ARHGEF19: variants seen among roughly 807,000 people sequenced by gnomAD.
ARHGEF19 encodes Rho guanine nucleotide exchange factor 19.
Under a neutral mutation model 87.6 loss-of-function variants are expected in ARHGEF19, and 92 were observed. The observed-to-expected ratio is 1.05, with a 90% confidence interval of 0.89 to 1.25. ARHGEF19 has a LOEUF of 1.25. Ranked by LOEUF, ARHGEF19 falls within the 50% of genes most tolerant of loss-of-function variation. The pLI is 0.00. For synonymous variants in ARHGEF19, 438 were observed against 446.2 expected, an observed-to-expected ratio of 0.98 and a Z score of 0.23; for missense variants, 1,054 against 1,051.8, an observed-to-expected ratio of 1.00 and a Z score of -0.03.
In ARHGEF19 at chr1:16,197,894, G is replaced by A. The variant is rs987098664; in HGVS notation, c.*693C>T. 9.2e-5 allele frequency: 14 copies of A among 152,352 alleles called. No homozygotes were observed. Among genetic ancestry groups the A allele is most frequent in the African/African-American group, 3.1e-4 (13 of 41,564 alleles). The allele number at this position is 152,352 out of a possible 1,614,324, so 9.4% of individuals were successfully genotyped here. On this transcript the variant is annotated 3_prime_UTR_variant, in exon 16 of 16. Coordinates refer to ENST00000270747, the MANE Select transcript of ARHGEF19 (RefSeq NM_153213.5). ...ATCTCTTTAATGTTTAAGCCTATTT[G>A]TATCTGATATTTTGTTACTTGCAGC...
rs992380170 is a variant in ARHGEF19, at chr1:16,197,855, A to T, written c.*732T>A. The T allele has an allele frequency of 2.0e-5, 3 of 152,280 alleles. No individual in the cohort carries two copies. The highest frequency in any genetic ancestry group is 7.2e-5 in the African/African-American group (3 of 41,466). 9.4% of individuals were successfully genotyped at this position (152,280 alleles called of 1,614,324 possible). A position where few individuals can be genotyped will look rare whatever the true frequency, so the allele number is the denominator to read the frequency against. ...GTTATAGAAGCCACAGGAAACAAAT[A>T]AAGAACTAATCAAATCTCTTTAATG... is the stretch of plus-strand genomic sequence containing the variant. On this transcript the variant is annotated 3_prime_UTR_variant, in exon 16 of 16. Coordinates refer to ENST00000270747, the MANE Select transcript of ARHGEF19 (RefSeq NM_153213.5).
In ARHGEF19 at chr1:16,198,516, G is replaced by A; in HGVS notation, c.*71C>T. The A allele has an allele frequency of 6.8e-7, 1 of 1,463,448 alleles. No individual in the cohort carries two copies. The highest frequency in any genetic ancestry group is 9.1e-7 in the Non-Finnish European group (1 of 1,099,368). 90.7% of individuals were successfully genotyped at this position (1,463,448 alleles called of 1,614,324 possible). On this transcript the variant is annotated 3_prime_UTR_variant, in exon 16 of 16. Coordinates refer to ENST00000270747, the MANE Select transcript of ARHGEF19 (RefSeq NM_153213.5). The surrounding 1 kb of genome is among the most constrained non-coding windows in gnomAD (Gnocchi z 4.1). ...CAGCAGGAGCAGCTTGGGGAATGGA[G>A]ACACTGCAGGCCCCTCCAGGACCAT...
chr1:16,208,426 A>G (rs221060), intron 2 of ARHGEF19, among the ~76,000 whole-genome samples: 37,153 of 152,196 alleles, frequency 0.24, 4,950 homozygotes, highest in South Asian at 0.4. Context: ...GCTGCAGTAG[A>G]CAGAGGGATC....
chr1:16,207,060 C>T lies in ARHGEF19; in HGVS notation c.1025G>A (p.Arg342Gln), dbSNP rs977532804. 6.6e-7 allele frequency: 1 copy of T among 1,507,746 alleles called. No individual in the cohort carries two copies. Among genetic ancestry groups the T allele is most frequent in the Non-Finnish European group, 8.8e-7 (1 of 1,130,920 alleles). 93.4% of individuals were successfully genotyped at this position (1,507,746 alleles called of 1,614,324 possible). Reference protein sequence around the residue: ...RANLSPSSSFRAQRSARGSTF... With the variant: ...RANLSPSSSFQAQRSARGSTF... ...GGAGCCTCGCGCCGAGCGCTGCGCCCGGAAGGAGCTGCTGGGGGAGAGGTT... is the reference window on the plus strand; with the variant it reads ...GGAGCCTCGCGCCGAGCGCTGCGCCTGGAAGGAGCTGCTGGGGGAGAGGTT... Residue 342 changes from arginine to glutamine, a missense_variant, in exon 6 of 16, where the codon CGG (arginine) becomes CAG (glutamine). By Grantham distance (43) the Arg-to-Gln change is conservative. Coordinates refer to ENST00000270747, the MANE Select transcript of ARHGEF19 (RefSeq NM_153213.5). The surrounding 1 kb of genome is among the most constrained non-coding windows in gnomAD (Gnocchi z 4.0).
chr1:16,207,062 G>C lies in ARHGEF19; in HGVS notation c.1023C>G (p.Phe341Leu). 6.6e-7 allele frequency: 1 copy of C among 1,508,042 alleles called. No individual in the cohort carries two copies. Among genetic ancestry groups the C allele is most frequent in the Non-Finnish European group, 8.8e-7 (1 of 1,131,016 alleles). 93.4% of individuals were successfully genotyped at this position (1,508,042 alleles called of 1,614,324 possible). ...PRANLSPSSS[F>L]RAQRSARGST... is the part of the protein sequence containing the mutation. ...AGCCTCGCGCCGAGCGCTGCGCCCG[G>C]AAGGAGCTGCTGGGGGAGAGGTTGG... Residue 341 changes from phenylalanine to leucine, a missense_variant, in exon 6 of 16, where the codon TTC becomes TTG. Phe to Leu is a conservative substitution (Grantham distance 22). Transcript: ENST00000270747. The surrounding 1 kb of genome is among the most constrained non-coding windows in gnomAD (Gnocchi z 4.0).
chr1:16,199,481 A>C (rs1335193070), intron 14 of ARHGEF19, among the ~76,000 whole-genome samples: 2 of 152,048 alleles, frequency 1.3e-5, no homozygotes, highest in Non-Finnish European at 2.9e-5. Flanking sequence ...TGCAGGATTA[A>C]TCCAGTCCCT....
chr1:16,201,348 A>G (rs1339030688), intron 14 of ARHGEF19, among the ~76,000 whole-genome samples: 1 of 152,150 alleles, frequency 6.6e-6, no homozygotes, highest in African/African-American at 2.4e-5. Flanking sequence ...ATTCCAGCTG[A>G]GCAGATGCCT....
rs2081164489 is a variant in ARHGEF19 at position 16,208,224 on chromosome 1, C to T, written c.414G>A (p.Trp138Ter). ...ASHGSEKKSA[W>*]RKMRVYQREE... ...CACGCTGGTACACCCGCATCTTGCG[C>T]CCTAGGGTTGGGGGCAAGGAGTGAG... The change falls in exon 3 of 16, where the codon TGG (tryptophan) becomes TGA (stop). Residue 138 changes from tryptophan to a stop codon, truncating the protein, a stop_gained and splice_region_variant. Transcript: ENST00000270747. LOFTEE classifies it high-confidence loss of function. 4.3e-6 allele frequency: 7 copies of T among 1,611,434 alleles called. No individual in the cohort carries two copies. Among genetic ancestry groups the T allele is most frequent in the South Asian group, 1.1e-5 (1 of 91,038 alleles).
chr1:16,207,883 G>GCCC lies in ARHGEF19; in HGVS notation c.694+58_694+60dup. 2.1e-5 allele frequency: 31 copies of GCCC among 1,476,428 alleles called. No homozygotes were observed. The highest frequency in any genetic ancestry group is 2.5e-5 in the Non-Finnish European group (27 of 1,069,258). The allele number at this position is 1,476,428 out of a possible 1,614,324, so 91.5% of individuals were successfully genotyped here. A position where few individuals can be genotyped will look rare whatever the true frequency, so the allele number is the denominator to read the frequency against. Reference sequence around the variant, plus strand: ...CTCAGGCGGCCGGTGAGTGGGCATCGCCCACCCCCACCCCCACCCGGCATC... The same window carrying GCCC: ...CTCAGGCGGCCGGTGAGTGGGCATCGCCCCCCACCCCCACCCCCACCCGGCATC... On this transcript the variant is annotated intron_variant, in intron 3 of 15. Transcript: ENST00000270747. This position sits in a 1 kb window ranked among gnomAD's most constrained non-coding sequence, Gnocchi z 4.0.
rs1186970101 is a variant in ARHGEF19 at position 16,198,227 on chromosome 1, C to T, written c.*360G>A. The T allele has an allele frequency of 1.1e-5, 2 of 181,686 alleles. No individual in the cohort carries two copies. The highest frequency in any genetic ancestry group is 6.1e-5 in the Admixed American group (1 of 16,430). 11.3% of individuals were successfully genotyped at this position (181,686 alleles called of 1,614,324 possible). A position where few individuals can be genotyped will look rare whatever the true frequency, so the allele number is the denominator to read the frequency against. The stretch of plus-strand genomic sequence containing the variant: ...TAAATATACATATAGGTCCCAGCAC[C>T]ATCAGCACCAGAACGTTCCCCAGCC... On this transcript the variant is annotated 3_prime_UTR_variant, in exon 16 of 16. Coordinates refer to ENST00000270747, the MANE Select transcript of ARHGEF19 (RefSeq NM_153213.5). This position sits in a 1 kb window ranked among gnomAD's most constrained non-coding sequence, Gnocchi z 4.1.
At chr1:16,209,845 A>C (rs1272724530) in intron 1 of ARHGEF19, among the ~76,000 whole-genome samples, 1 of 152,216 alleles carries the variant, frequency 6.6e-6, no homozygotes, top group Non-Finnish European at 1.5e-5. Context: ...ACCCATGCCA[A>C]GTTGGCTGGG....
Position 16,205,304 on chromosome 1 carries a change from CAGGGGGGGCCTCAGGAGCCA to C in ARHGEF19, c.1656+27_1656+46del. 1.2e-6 allele frequency: 2 copies of C among 1,612,450 alleles called. No individual in the cohort carries two copies. The highest frequency in any genetic ancestry group is 1.7e-6 in the Non-Finnish European group (2 of 1,178,928). Reference sequence around the variant, plus strand: ...CTGTTTTAGAGACGTGCTGGGGGTCCAGGGGGGGCCTCAGGAGCCAAGCAGCCCCTGCCCTGCCCAGCTCA... The same window carrying C: ...CTGTTTTAGAGACGTGCTGGGGGTCCAGCAGCCCCTGCCCTGCCCAGCTCA... On this transcript the variant is annotated intron_variant, in intron 10 of 15. Coordinates refer to ENST00000270747, the MANE Select transcript of ARHGEF19 (RefSeq NM_153213.5). The surrounding 1 kb of genome is among the most constrained non-coding windows in gnomAD (Gnocchi z 5.8).
Position 16,198,598 on chromosome 1 carries a change from C to T in ARHGEF19, c.2398G>A (p.Ala800Thr), listed in dbSNP as rs913419397. Residue 800 changes from alanine to threonine, a missense_variant, in exon 16 of 16, where the codon GCT becomes ACT. Ala to Thr is a moderately conservative substitution (Grantham distance 58, BLOSUM62 0). Coordinates refer to ENST00000270747, the MANE Select transcript of ARHGEF19 (RefSeq NM_153213.5). The surrounding 1 kb of genome is among the most constrained non-coding windows in gnomAD (Gnocchi z 4.1). ...GCCATGGCTGCCCATCACACAGGAGCCTCCCCCAGTTTGCTGGTGGCACTT... is the reference window on the plus strand; with the variant it reads ...GCCATGGCTGCCCATCACACAGGAGTCTCCCCCAGTTTGCTGGTGGCACTT... ...VTSATSKLGE[A>T]PV 1.8e-5 allele frequency: 29 copies of T among 1,609,188 alleles called. No individual in the cohort carries two copies. Among genetic ancestry groups the T allele is most frequent in the Non-Finnish European group, 2.3e-5 (27 of 1,177,390 alleles).
In ARHGEF19 at chr1:16,205,523, G is replaced by C. The variant is rs761533125; in HGVS notation, c.1581+15C>G. The C allele has an allele frequency of 1.5e-5, 24 of 1,613,866 alleles. No individual in the cohort carries two copies. The highest frequency in any genetic ancestry group is 5.5e-5 in the South Asian group (5 of 91,076). On this transcript the variant is annotated intron_variant, in intron 9 of 15. Transcript: ENST00000270747. The surrounding 1 kb of genome is among the most constrained non-coding windows in gnomAD (Gnocchi z 5.8). ...CCTCGCCCAGCCCTCACTGTGGCCT[G>C]TCCCCTCGAGGTACCTCCACCAACA...
chr1:16,207,447 A>AT lies in ARHGEF19; in HGVS notation c.874+74_874+75insA, dbSNP rs2081150510. The AT allele has an allele frequency of 6.4e-7, 1 of 1,573,544 alleles. No homozygotes were observed. Among genetic ancestry groups the AT allele is most frequent in the East Asian group, 2.3e-5 (1 of 44,336 alleles). On this transcript the variant is annotated intron_variant, in intron 5 of 15. Coordinates refer to ENST00000270747, the MANE Select transcript of ARHGEF19 (RefSeq NM_153213.5). This position sits in a 1 kb window ranked among gnomAD's most constrained non-coding sequence, Gnocchi z 4.0. Reference sequence around the variant, plus strand: ...TCGATCCCTACCTCTCAACTCTCCAAACCCTCTTTTCCCCGTTTCCACACC... The same window carrying AT: ...TCGATCCCTACCTCTCAACTCTCCAATACCCTCTTTTCCCCGTTTCCACACC...
chr1:16,205,190 G>C lies in ARHGEF19; in HGVS notation c.1657-14C>G. 1 of 1,593,878 alleles carries C rather than the reference G, an allele frequency of 6.3e-7. No homozygotes were observed. The highest frequency in any genetic ancestry group is 8.5e-7 in the Non-Finnish European group (1 of 1,170,090). ...CTCCTGCACCAGCTGGGGGAGCCGT[G>C]GGGAGGTCACCTGCAGCCCCTCAGC... On this transcript the variant is annotated splice_polypyrimidine_tract_variant and intron_variant, in intron 10 of 15. Coordinates refer to ENST00000270747, the MANE Select transcript of ARHGEF19 (RefSeq NM_153213.5). The surrounding 1 kb of genome is among the most constrained non-coding windows in gnomAD (Gnocchi z 5.8).
At chr1:16,201,733 C>T (rs751397392) in intron 14 of ARHGEF19, 49 bp downstream of exon 14, 57 of 1,578,164 alleles carry the variant, frequency 3.6e-5, no homozygotes, top group Middle Eastern at 1.7e-4. Flanking sequence ...GGGAGGAGAG[C>T]GGGCGAGGGT....
At chr1:16,200,550 C>A (rs2081076339) in intron 14 of ARHGEF19, among the ~76,000 whole-genome samples, 1 of 152,018 alleles carries the variant, frequency 6.6e-6, no homozygotes, top group Non-Finnish European at 1.5e-5. Context: ...CGAGACCAGC[C>A]ATGGTCAACA....
chr1:16,206,065 C>T lies in ARHGEF19; in HGVS notation c.1317G>A (p.Glu439=). 6.3e-7 allele frequency: 1 copy of T among 1,582,294 alleles called. No individual in the cohort carries two copies. The highest frequency in any genetic ancestry group is 8.6e-7 in the Non-Finnish European group (1 of 1,163,870). ...STSERFLQDL[E]QRLEADVLRF... ...GCAGCACATCTGCCTCCAGCCGCTG[C>T]TCCAGGTCCTGCAGGAACCTGAGGA... The change falls in exon 8 of 16, where the codon GAG becomes GAA. Residue 439 remains glutamate, a synonymous_variant. Transcript: ENST00000270747. This position sits in a 1 kb window ranked among gnomAD's most constrained non-coding sequence, Gnocchi z 4.6.
Sources: gnomAD v4.1 joint callset for allele counts (sites outside exome capture counted in the v4.1 genomes callset) on GRCh38, gnomAD v4.1.1 for gene constraint, Gnocchi (gnomAD v3.1) non-coding constraint, MANE v1.5 for transcripts, NCBI Gene and HGNC (gene_info 2026-07-23, HGNC 2026-07-21) for gene names.